DLGAP2: variants seen among roughly 807,000 people sequenced by gnomAD.
DLGAP2 encodes the protein disks large-associated protein 2.
Under a neutral mutation model 100.3 loss-of-function variants are expected in DLGAP2, and 26 were observed. That is an observed-to-expected ratio of 0.26 (90% CI 0.19 to 0.36). The LOEUF (loss-of-function observed/expected upper bound fraction) is 0.36. Ranked by LOEUF, DLGAP2 falls within the 10% of genes least tolerant of loss-of-function variation. The pLI is 1.00. For synonymous variants in DLGAP2, 886 were observed against 630.1 expected, an observed-to-expected ratio of 1.41 and a Z score of -6.08; for missense variants, 1,858 against 1,453.2, an observed-to-expected ratio of 1.28 and a Z score of -4.53.
chr8:1,345,800 T>C (rs1801541324), intron 3 of DLGAP2, among the ~76,000 whole-genome samples: 1 of 152,232 alleles, frequency 6.6e-6, no homozygotes, highest in Non-Finnish European at 1.5e-5. Flanking sequence ...ATGATGCTTG[T>C]AACACCTACC....
intron 2 of DLGAP2, among the ~76,000 whole-genome samples, chr8:1,161,836 G>A (rs1328492296): frequency 6.6e-6 from 1 of 152,236 alleles, no homozygotes; most frequent in Admixed American, 6.5e-5. Flanking sequence ...GTGCCTCTTG[G>A]TGGCTTCCTG....
intron 1 of DLGAP2, among the ~76,000 whole-genome samples, chr8:851,401 G>C (rs1797180640): frequency 6.6e-6 from 1 of 152,236 alleles, no homozygotes; most frequent in Non-Finnish European, 1.5e-5. Flanking sequence ...TTACCTGTGA[G>C]CGACATGTAA....
chr8:812,203 C>G (rs1796385519), intron 1 of DLGAP2, among the ~76,000 whole-genome samples: 1 of 152,160 alleles, frequency 6.6e-6, no homozygotes, highest in Non-Finnish European at 1.5e-5. Flanking sequence ...GCAGGAGACC[C>G]AGGGAGGAGT....
chr8:1,270,694 GTGTGTGTCTC>G (rs1445175517), intron 3 of DLGAP2, among the ~76,000 whole-genome samples: 1 of 85,868 alleles, frequency 1.2e-5, no homozygotes, highest in African/African-American at 3.7e-5. Flanking sequence ...TTATGTCTCT[GTGTGTGTCTC>G]TGTGTGTGTG....
At chr8:1,633,325 G>A (rs1394089894) in intron 8 of DLGAP2, among the ~76,000 whole-genome samples, 1 of 152,162 alleles carries the variant, frequency 6.6e-6, no homozygotes, top group African/African-American at 2.4e-5. Context: ...AGAAAGAAAT[G>A]GAAGTGCTAG....
At chr8:1,212,230 C>T (rs1375507572) in intron 2 of DLGAP2, among the ~76,000 whole-genome samples, 1 of 152,236 alleles carries the variant, frequency 6.6e-6, no homozygotes, top group Non-Finnish European at 1.5e-5. Context: ...CAGGTTGTCT[C>T]ATCCTTCGGA....
At chr8:1,203,747 A>G (rs1797932534) in intron 2 of DLGAP2, among the ~76,000 whole-genome samples, 1 of 152,216 alleles carries the variant, frequency 6.6e-6, no homozygotes, top group Non-Finnish European at 1.5e-5. Context: ...CTCTCACTTT[A>G]CAGTGATGAA....
chr8:1,344,122 C>G lies in DLGAP2; in HGVS notation c.106+85239C>G, dbSNP rs1282782285. On this transcript the variant is annotated intron_variant, in intron 3 of 14. Coordinates refer to ENST00000637795, the MANE Select transcript of DLGAP2 (RefSeq NM_001346810.2). ...TGTCGTGGGTCCATGTATTCGGGGC[C>G]CTGTCGTGGGTCCGTGTACTCGGGG... Among the ~76,000 whole-genome samples the G allele has an allele frequency of 3.2e-3, 458 of 142,266 alleles. 3 individuals carry two copies. The highest frequency in any genetic ancestry group is 0.013 in the African/African-American group (430 of 32,614). The allele number at this position is 142,266 out of a possible 152,430, so 93.3% of individuals were successfully genotyped here. A position where few individuals can be genotyped will look rare whatever the true frequency, so the allele number is the denominator to read the frequency against.
intron 4 of DLGAP2, among the ~76,000 whole-genome samples, chr8:1,514,933 C>T (rs1220761289): frequency 6.6e-6 from 1 of 152,098 alleles, no homozygotes; most frequent in Non-Finnish European, 1.5e-5. Context: ...AGAGCACAGC[C>T]AGCGGGCAGG....
chr8:1,388,699 A>G (rs113104642), intron 3 of DLGAP2, among the ~76,000 whole-genome samples: 807 of 28,722 alleles, frequency 0.028, no homozygotes, highest in Non-Finnish European at 0.03. Context: ...TCAGGGCTGT[A>G]AGAGGCAGAG....
At chr8:1,231,944 A>G (rs1008287032) in intron 2 of DLGAP2, among the ~76,000 whole-genome samples, 1 of 152,200 alleles carries the variant, frequency 6.6e-6, no homozygotes, top group Non-Finnish European at 1.5e-5. Context: ...TGTACCCCTG[A>G]ATGTAAAATC....
chr8:1,458,113 G>A (rs900677681), intron 3 of DLGAP2, among the ~76,000 whole-genome samples: 1 of 149,156 alleles, frequency 6.7e-6, no homozygotes, highest in East Asian at 2.0e-4. Context: ...TCACCATGTT[G>A]GCCAGGATGG....
chr8:1,475,529 G>A (rs1798907103), intron 3 of DLGAP2, among the ~76,000 whole-genome samples: 1 of 152,166 alleles, frequency 6.6e-6, no homozygotes, highest in South Asian at 2.1e-4. Flanking sequence ...GTTGCAGGCT[G>A]TTTCGTGAGG....
chr8:1,354,030 G>C (rs1325514551), intron 3 of DLGAP2, among the ~76,000 whole-genome samples: 1 of 152,176 alleles, frequency 6.6e-6, no homozygotes, highest in African/African-American at 2.4e-5. Context: ...GGCCAGTGCT[G>C]TTTATAGAAG....
At chr8:1,690,313 G>A (rs901438583) in intron 12 of DLGAP2, among the ~76,000 whole-genome samples, 6 of 151,720 alleles carry the variant, frequency 4.0e-5, no homozygotes, top group East Asian at 1.9e-4. Flanking sequence ...CCAAGATGAC[G>A]CCACTGCAGT....
At chr8:1,534,023 A>G (rs1302585909) in intron 4 of DLGAP2, among the ~76,000 whole-genome samples, 2 of 152,254 alleles carry the variant, frequency 1.3e-5, no homozygotes, top group Non-Finnish European at 2.9e-5. Flanking sequence ...TTAAAAGTCA[A>G]ATGTTTTAAA....
intron 2 of DLGAP2, among the ~76,000 whole-genome samples, chr8:1,251,827 T>A (rs1416431452): frequency 6.6e-6 from 1 of 152,364 alleles, no homozygotes; most frequent in African/African-American, 2.4e-5. Context: ...TGCACGGCCA[T>A]GTCCTGTAGG....
chr8:1,176,688 G>A (rs192024746), intron 2 of DLGAP2, among the ~76,000 whole-genome samples: 50 of 152,324 alleles, frequency 3.3e-4, no homozygotes, highest in South Asian at 6.2e-4. Flanking sequence ...CAGGGAGGCA[G>A]CCCAGGGCTC....
In DLGAP2 at chr8:1,676,434, T is replaced by A; in HGVS notation, c.2203-99T>A. On this transcript the variant is annotated intron_variant, in intron 10 of 14. Transcript: ENST00000637795. ...TGCACCGCTGCATTAATTAAACAAA[T>A]GCGTAATTAATTACAGCAAATCCAC... 7.8e-6 allele frequency: 10 copies of A among 1,286,266 alleles called. 1 individual carries two copies. Among genetic ancestry groups the A allele is most frequent in the Non-Finnish European group, 9.9e-6 (9 of 909,240 alleles). The allele number at this position is 1,286,266 out of a possible 1,614,324, so 79.7% of individuals were successfully genotyped here. A position where few individuals can be genotyped will look rare whatever the true frequency, so the allele number is the denominator to read the frequency against.
Sources: gnomAD v4.1 joint callset for allele counts (sites outside exome capture counted in the v4.1 genomes callset) on GRCh38, gnomAD v4.1.1 for gene constraint, MANE v1.5 for transcripts, NCBI Gene and HGNC (gene_info 2026-07-23, HGNC 2026-07-21) for gene names.